TMEM132C: variants seen among roughly 807,000 people sequenced by gnomAD.
The protein encoded by TMEM132C is protein phosphatase 1, regulatory subunit 152.
Under a neutral mutation model 61.4 loss-of-function variants are expected in TMEM132C, and 29 were observed. The observed-to-expected ratio is 0.47, with a 90% CI of 0.35 to 0.64. The LOEUF (loss-of-function observed/expected upper bound fraction) is 0.64, where lower values mean the gene tolerates loss of function less well. Among genes scored for constraint, TMEM132C ranks in the 30% least tolerant of loss-of-function variants. TMEM132C has a pLI of 0.00. For missense variants in TMEM132C, 1,408 were observed against 1,476.9 expected (o/e 0.95, Z 0.76); for synonymous variants, 656 against 633.1 (o/e 1.04, Z -0.54).
At chr12:128,427,856 C>T (rs992575015) in intron 2 of TMEM132C, among the ~76,000 whole-genome samples, 1 of 152,218 alleles carries the variant, frequency 6.6e-6, no homozygotes, top group Admixed American at 6.5e-5. Flanking sequence ...ATTGCAAGCA[C>T]TGCGGACATG....
At chr12:128,424,910 A>G (rs1446715084) in intron 2 of TMEM132C, among the ~76,000 whole-genome samples, 1 of 152,122 alleles carries the variant, frequency 6.6e-6, no homozygotes, top group African/African-American at 2.4e-5. Context: ...CACTCTTTCT[A>G]ATTTATTATT....
At chr12:128,419,202 G>A (rs1215420501) in intron 2 of TMEM132C, among the ~76,000 whole-genome samples, 1 of 152,188 alleles carries the variant, frequency 6.6e-6, no homozygotes, top group Admixed American at 6.5e-5. Flanking sequence ...CCTTCTTTCT[G>A]AATCTGGTAT....
At position 128,503,809 on chromosome 12, in the gene TMEM132C, A is replaced by G. The variant is rs558748487; in HGVS notation, c.975-40148A>G. On this transcript the variant is annotated intron_variant, in intron 2 of 8. Transcript: ENST00000435159. ...GCTTCAAACCCAGGCCTGACTGTCA[A>G]CCCTCAGTGTGGTCAGCCTCTCTGG... Among the ~76,000 whole-genome samples, 14 of 152,288 alleles carry G rather than the reference A, an allele frequency of 9.2e-5. No individual in the cohort carries two copies. The East Asian group carries it at 2.5e-3, about 27-fold the overall frequency.
At chr12:128,554,697 G>C (rs1466197044) in intron 3 of TMEM132C, among the ~76,000 whole-genome samples, 1 of 152,226 alleles carries the variant, frequency 6.6e-6, no homozygotes, top group Non-Finnish European at 1.5e-5. Flanking sequence ...AAGAAGGCCA[G>C]CTGTTTCAAA....
At chr12:128,411,093 G>A (rs1397327590) in intron 1 of TMEM132C, among the ~76,000 whole-genome samples, 1 of 152,182 alleles carries the variant, frequency 6.6e-6, no homozygotes, top group Non-Finnish European at 1.5e-5. Context: ...TTCTCTGTGT[G>A]TGCATGTTGG....
At chr12:128,692,935 G>C (rs566080531) in intron 5 of TMEM132C, among the ~76,000 whole-genome samples, 54 of 152,306 alleles carry the variant, frequency 3.5e-4, no homozygotes, top group South Asian at 2.1e-3. Context: ...GAAAAGGAAA[G>C]GGAGGCGCAT....
rs1376898545 is a variant in TMEM132C, at chr12:128,415,218, T to C, written c.572T>C (p.Leu191Pro). 1 of 1,609,824 alleles carries C rather than the reference T, an allele frequency of 6.2e-7. No individual in the cohort carries two copies. Among genetic ancestry groups the C allele is most frequent in the Non-Finnish European group, 8.5e-7 (1 of 1,178,120 alleles). ...GGCAGCTGCCGGCTGAAGGGGGACC[T>C]GGGGCTGTGTGTGGCTGAGCTGGAG... is the stretch of plus-strand genomic sequence containing the variant. The part of the protein sequence containing the change: ...VRGSCRLKGD[L>P]GLCVAELELL... Residue 191 changes from leucine to proline, a missense_variant, in exon 2 of 9, where the codon CTG (leucine) becomes CCG (proline). Transcript: ENST00000435159. This position sits in a 1 kb window ranked among gnomAD's most constrained non-coding sequence, Gnocchi z 5.8.
At chr12:128,636,552 T>C (rs1208056093) in intron 4 of TMEM132C, among the ~76,000 whole-genome samples, 1 of 139,384 alleles carries the variant, frequency 7.2e-6, no homozygotes, top group Non-Finnish European at 1.5e-5. Context: ...GTTTTGTTTT[T>C]TGGGTTTTTG....
At chr12:128,442,895 C>T (rs7953771) in intron 2 of TMEM132C, among the ~76,000 whole-genome samples, 12,525 of 152,148 alleles carry the variant, frequency 0.082, 921 homozygotes, top group African/African-American at 0.19. Context: ...GTTTCTACCC[C>T]CAGTTCCTGG....
intron 2 of TMEM132C, among the ~76,000 whole-genome samples, chr12:128,450,538 A>C (rs1870144981): frequency 6.6e-6 from 1 of 152,214 alleles, no homozygotes; most frequent in Non-Finnish European, 1.5e-5. Context: ...CATGGTAGGC[A>C]TGCCACTGGT....
intron 1 of TMEM132C, among the ~76,000 whole-genome samples, chr12:128,401,244 A>G (rs1875147941): frequency 6.6e-6 from 1 of 152,186 alleles, no homozygotes; most frequent in Non-Finnish European, 1.5e-5. Context: ...GTCCTTTAAG[A>G]AAAAGTTTGC....
chr12:128,342,737 C>G (rs568963464), intron 1 of TMEM132C, among the ~76,000 whole-genome samples: 2 of 152,332 alleles, frequency 1.3e-5, no homozygotes, highest in African/African-American at 4.8e-5. Context: ...ATTCTGCTGC[C>G]TGGAACTGCT....
At chr12:128,519,872 C>T (rs115984871) in intron 2 of TMEM132C, among the ~76,000 whole-genome samples, 2,285 of 152,318 alleles carry the variant, frequency 0.015, 49 homozygotes, top group African/African-American at 0.051. Flanking sequence ...GTTGCCTGTG[C>T]GGCCCTGACT....
intron 1 of TMEM132C, among the ~76,000 whole-genome samples, chr12:128,359,743 C>G (rs900091523): frequency 6.6e-6 from 1 of 152,126 alleles, no homozygotes; most frequent in South Asian, 2.1e-4. Context: ...AACTCAGACA[C>G]CTAAACAACA....
chr12:128,630,026 T>A lies in TMEM132C; in HGVS notation c.1305+13691T>A, dbSNP rs1046231237. 2.1e-4 allele frequency among the ~76,000 whole-genome samples: 29 copies of A among 138,120 alleles called. No homozygotes were observed. The highest frequency in any genetic ancestry group is 7.4e-4 in the African/African-American group (27 of 36,448). The allele number at this position is 138,120 out of a possible 152,430, so 90.6% of individuals were successfully genotyped here. On this transcript the variant is annotated intron_variant, in intron 4 of 8. Coordinates refer to ENST00000435159, the MANE Select transcript of TMEM132C (RefSeq NM_001136103.3). This position sits in a 1 kb window ranked among gnomAD's most constrained non-coding sequence, Gnocchi z 4.3. ...CTCATATTACCTGTTCTTACCATAA[T>A]AAAATAAATTTTAAAAATTCAAATG...
intron 3 of TMEM132C, among the ~76,000 whole-genome samples, chr12:128,589,768 TC>T (rs56985140): frequency 0.065 from 9,874 of 152,164 alleles, 1,087 homozygotes; most frequent in African/African-American, 0.22. Flanking sequence ...TCCTTTTTTT[TC>T]CCCTCTTATC....
At chr12:128,424,969 A>G (rs1338455255) in intron 2 of TMEM132C, among the ~76,000 whole-genome samples, 4 of 152,222 alleles carry the variant, frequency 2.6e-5, no homozygotes, top group Admixed American at 6.5e-5. Context: ...ATTGTTGATT[A>G]GTGAGAATGG....
intron 2 of TMEM132C, among the ~76,000 whole-genome samples, chr12:128,436,750 G>A (rs982050302): frequency 1.3e-5 from 2 of 152,162 alleles, no homozygotes; most frequent in Non-Finnish European, 2.9e-5. Context: ...ATTCCTCAAG[G>A]ATCTAGAACT....
intron 1 of TMEM132C, among the ~76,000 whole-genome samples, chr12:128,406,625 A>G (rs192856085): frequency 3.0e-4 from 45 of 152,234 alleles, no homozygotes; most frequent in African/African-American, 1.0e-3. Context: ...CATGTGTGAG[A>G]CCCTGGAGAT....
Sources: allele counts gnomAD v4.1 joint callset (sites outside exome capture counted in the v4.1 genomes callset), GRCh38; gene constraint gnomAD v4.1.1; non-coding constraint Gnocchi (gnomAD v3.1); transcripts MANE v1.5; gene names NCBI Gene and HGNC (gene_info 2026-07-23, HGNC 2026-07-21).